Variants in NRXN3 observed in about 807,000 individuals in gnomAD.
NRXN3 encodes the protein neurexin 3.
Under a neutral mutation model 137.6 loss-of-function variants are expected in NRXN3, and 32 were observed. The ratio of observed to expected loss-of-function variants is 0.23; its 90% CI spans 0.18 to 0.31. NRXN3 has a LOEUF of 0.31. Ranked by LOEUF, NRXN3 falls within the 10% of genes least tolerant of loss-of-function variation. NRXN3 has a pLI of 1.00. For synonymous variants in NRXN3, 798 were observed against 784.5 expected, an observed-to-expected ratio of 1.02 and a Z score of -0.29; for missense variants, 1,574 against 2,062.5, an observed-to-expected ratio of 0.76 and a Z score of 4.59.
intron 8 of NRXN3, among the ~76,000 whole-genome samples, chr14:78,719,432 G>GCAA (rs386381914): frequency 5.1e-4 from 77 of 152,148 alleles, no homozygotes; most frequent in Admixed American, 4.2e-3. Flanking sequence ...AGCAGCAGCA[G>GCAA]CAAAAGCAAA....
chr14:79,176,799 G>A (rs2062387048), intron 15 of NRXN3, among the ~76,000 whole-genome samples: 1 of 152,094 alleles, frequency 6.6e-6, no homozygotes, highest in African/African-American at 2.4e-5. Context: ...TTTATCAATT[G>A]TTGCACTTTT....
At chr14:79,539,274 TCCAC>T (rs1438802452) in intron 16 of NRXN3, among the ~76,000 whole-genome samples, 1 of 152,104 alleles carries the variant, frequency 6.6e-6, no homozygotes, top group Non-Finnish European at 1.5e-5. Flanking sequence ...CCTCAAATCA[TCCAC>T]CCACCTGGGC....
At chr14:78,634,872 C>T (rs1356219480) in intron 4 of NRXN3, among the ~76,000 whole-genome samples, 1 of 152,026 alleles carries the variant, frequency 6.6e-6, no homozygotes, top group Non-Finnish European at 1.5e-5. Context: ...TAGTGGGGGT[C>T]AATTTTATCA....
At chr14:79,627,902 T>C (rs941298451) in intron 16 of NRXN3, among the ~76,000 whole-genome samples, 1 of 152,200 alleles carries the variant, frequency 6.6e-6, no homozygotes, top group Non-Finnish European at 1.5e-5. Context: ...AAATAGTGTC[T>C]GTATATATGC....
At chr14:79,654,054 A>C (rs528985814) in intron 16 of NRXN3, among the ~76,000 whole-genome samples, 7 of 152,320 alleles carry the variant, frequency 4.6e-5, no homozygotes, top group African/African-American at 1.7e-4. Context: ...AGACTTGGCT[A>C]TTCCAGCCAG....
intron 8 of NRXN3, among the ~76,000 whole-genome samples, chr14:78,769,132 G>A (rs2098718723): frequency 6.6e-6 from 1 of 152,114 alleles, no homozygotes; most frequent in African/African-American, 2.4e-5. Flanking sequence ...CTCAGATTAT[G>A]GTTCAAAAGG....
intron 19 of NRXN3, among the ~76,000 whole-genome samples, chr14:79,788,477 A>T (rs2099135847): frequency 1.3e-5 from 2 of 152,222 alleles, no homozygotes. Flanking sequence ...TATTAAGAAC[A>T]CATCACAGAA....
intron 15 of NRXN3, among the ~76,000 whole-genome samples, chr14:79,195,680 T>C (rs1272389919): frequency 6.6e-6 from 1 of 152,176 alleles, no homozygotes; most frequent in Non-Finnish European, 1.5e-5. Flanking sequence ...TAGAGACTCA[T>C]GCCTTTAGGT....
chr14:79,124,331 A>G (rs945794707), intron 15 of NRXN3, among the ~76,000 whole-genome samples: 4 of 152,230 alleles, frequency 2.6e-5, no homozygotes, highest in Non-Finnish European at 5.9e-5. Context: ...GAGAGAGGAT[A>G]GGAATACTCA....
chr14:79,017,334 G>A (rs1479645770), intron 15 of NRXN3, among the ~76,000 whole-genome samples: 2 of 151,506 alleles, frequency 1.3e-5, no homozygotes, highest in African/African-American at 2.4e-5. Context: ...ATACGTAATA[G>A]CTCCATTCAC....
chr14:79,563,614 G>A (rs1289646012), intron 16 of NRXN3, among the ~76,000 whole-genome samples: 3 of 149,660 alleles, frequency 2.0e-5, no homozygotes, highest in South Asian at 2.1e-4. Context: ...ATTTGGTCTC[G>A]TTAAATAAAT....
At chr14:78,807,885 C>T (rs1353110323) in intron 9 of NRXN3, among the ~76,000 whole-genome samples, 1 of 151,682 alleles carries the variant, frequency 6.6e-6, no homozygotes, top group Non-Finnish European at 1.5e-5. Context: ...TATGCCAAGA[C>T]TTAGGCAGAC....
intron 15 of NRXN3, among the ~76,000 whole-genome samples, chr14:79,316,582 A>G (rs930576714): frequency 6.6e-6 from 1 of 152,216 alleles, no homozygotes; most frequent in African/African-American, 2.4e-5. Context: ...CAAGTATTTT[A>G]ACATTTTAAT....
At chr14:78,327,477 A>C (rs1435049803) in intron 4 of NRXN3, among the ~76,000 whole-genome samples, 3 of 152,174 alleles carry the variant, frequency 2.0e-5, no homozygotes, top group Admixed American at 6.5e-5. Context: ...ATACAGCACC[A>C]AAGACAGTAA....
At chr14:78,574,171 G>A (rs911232543) in intron 4 of NRXN3, among the ~76,000 whole-genome samples, 1 of 152,232 alleles carries the variant, frequency 6.6e-6, no homozygotes, top group Non-Finnish European at 1.5e-5. Context: ...AGATGTATGG[G>A]AATGCCTGGA....
chr14:79,453,445 T>C (rs1016379982), intron 15 of NRXN3, among the ~76,000 whole-genome samples: 1 of 152,270 alleles, frequency 6.6e-6, no homozygotes, highest in African/African-American at 2.4e-5. Context: ...GTTTTTCTTC[T>C]GGCTGAAGGC....
chr14:78,979,986 C>T (rs1255056840), intron 14 of NRXN3, among the ~76,000 whole-genome samples: 4 of 152,162 alleles, frequency 2.6e-5, no homozygotes, highest in South Asian at 2.1e-4. Context: ...GGGGACACAG[C>T]CAACAATATC....
intron 4 of NRXN3, among the ~76,000 whole-genome samples, chr14:78,308,681 T>C (rs1419106816): frequency 6.6e-6 from 1 of 151,958 alleles, no homozygotes; most frequent in Non-Finnish European, 1.5e-5. Flanking sequence ...GAAATGAGAG[T>C]CAGTACATTG....
intron 15 of NRXN3, among the ~76,000 whole-genome samples, chr14:79,071,104 T>C (rs974355771): frequency 6.6e-5 from 10 of 151,530 alleles, no homozygotes; most frequent in Admixed American, 3.9e-4. Context: ...ACAGTGGACT[T>C]CTTGAAAATC....
Sources: gnomAD v4.1 joint callset for allele counts (sites outside exome capture counted in the v4.1 genomes callset) on GRCh38, gnomAD v4.1.1 for gene constraint, MANE v1.5 for transcripts, NCBI Gene and HGNC (gene_info 2026-07-23, HGNC 2026-07-21) for gene names.